Variants in SCN1A observed in about 807,000 individuals in gnomAD.
SCN1A encodes sodium voltage-gated channel alpha subunit 1.
In SCN1A, 13 loss-of-function variants were observed where a neutral mutation model predicts 193.7. The observed-to-expected ratio is 0.07, with a 90% confidence interval of 0.04 to 0.11. The LOEUF is 0.11. Ranked by LOEUF, SCN1A falls within the 10% of genes least tolerant of loss-of-function variation. The pLI is 1.00. For synonymous variants in SCN1A, 781 were observed against 843.6 expected, an observed-to-expected ratio of 0.93 and a Z score of 1.29; for missense variants, 1,432 against 2,451.1, an observed-to-expected ratio of 0.58 and a Z score of 8.78.
At chr2:166,072,569 T>C (rs1574365901) in intron 4 of SCN1A, among the ~76,000 whole-genome samples, 1 of 151,700 alleles carries the variant, frequency 6.6e-6, no homozygotes, top group Non-Finnish European at 1.5e-5. Flanking sequence ...CTTCAGGAAA[T>C]TAATTGATTT....
chr2:166,067,405 A>G (rs540240), intron 4 of SCN1A, among the ~76,000 whole-genome samples: 1 of 152,162 alleles, frequency 6.6e-6, no homozygotes, highest in Non-Finnish European at 1.5e-5. Context: ...CACATCTTGC[A>G]AAATGGCATG....
At chr2:166,050,659 T>G (rs1299217954) in intron 9 of SCN1A, among the ~76,000 whole-genome samples, 3 of 79,510 alleles carry the variant, frequency 3.8e-5, no homozygotes, top group Non-Finnish European at 8.8e-5. Context: ...ATTTTTTTTT[T>G]GTAGAGAAGG....
At chr2:166,073,825 T>C in intron 3 of SCN1A, 155 bp from the exon 4 acceptor site, 1 of 608,636 alleles carries the variant, frequency 1.6e-6, no homozygotes, top group Non-Finnish European at 2.8e-6. Context: ...ACACAAATGG[T>C]TTCTGTGTTG....
chr2:166,078,884 G>T (rs1685224756), intron 2 of SCN1A, among the ~76,000 whole-genome samples: 3 of 151,584 alleles, frequency 2.0e-5, no homozygotes, highest in African/African-American at 7.2e-5. Context: ...CTATTTAAAA[G>T]AAAGTGTTTA....
upstream of SCN1A, among the ~76,000 whole-genome samples, chr2:166,128,329 C>G (rs1367762350): frequency 6.6e-6 from 1 of 151,952 alleles, no homozygotes; most frequent in Non-Finnish European, 1.5e-5. Context: ...AAAACTTTAG[C>G]ATTATTTTAG....
At chr2:166,046,026 A>G (rs1697784979) in intron 12 of SCN1A, among the ~76,000 whole-genome samples, 1 of 152,178 alleles carries the variant, frequency 6.6e-6, no homozygotes, top group South Asian at 2.1e-4. Context: ...TACTAAGTTG[A>G]CACTTTTTTA....
intron 13 of SCN1A, among the ~76,000 whole-genome samples, chr2:166,044,719 A>G (rs1311316692): frequency 4.4e-5 from 3 of 68,566 alleles, no homozygotes; most frequent in Non-Finnish European, 8.3e-5. Flanking sequence ...CCGGAGTTCC[A>G]CATTTTTTTT....
Position 166,013,911 on chromosome 2 carries a change from T to A in SCN1A, c.3551-13A>T, listed in dbSNP as rs781017211. The A allele has an allele frequency of 1.2e-6, 2 of 1,610,134 alleles. No homozygotes were observed. Among genetic ancestry groups the A allele is most frequent in the East Asian group, 4.5e-5 (2 of 44,832 alleles). On this transcript the variant is annotated splice_polypyrimidine_tract_variant and intron_variant, in intron 20 of 28. Transcript: ENST00000674923. ...CTTTGTACACAGCCTGCAGAAAGTG[T>A]TGAAATAAAAGTAGATAAAGTGTCT...
At chr2:166,012,025 T>C in intron 22 of SCN1A, 84 bp downstream of exon 22, 1 of 1,213,234 alleles carries the variant, frequency 8.2e-7, no homozygotes, top group Non-Finnish European at 1.2e-6. Context: ...CATAACATAG[T>C]GGTCTGAGAC....
At chr2:166,126,285 G>A (rs1399034053) in intron 2 of SCN1A, 2 of 152,188 alleles carry the variant, frequency 1.3e-5, no homozygotes, top group Non-Finnish European at 2.9e-5. Flanking sequence ...CTAGAAGAGA[G>A]ATGTGATTTT....
chr2:166,101,301 T>C (rs1231384290), intron 2 of SCN1A, among the ~76,000 whole-genome samples: 63 of 140,188 alleles, frequency 4.5e-4, no homozygotes, highest in African/African-American at 1.3e-3. Context: ...TAGGTGGGAA[T>C]TGAACAATGA....
At chr2:166,003,733 G>C (rs901107682) in intron 23 of SCN1A, among the ~76,000 whole-genome samples, 3 of 151,442 alleles carry the variant, frequency 2.0e-5, no homozygotes, top group Admixed American at 6.6e-5. Context: ...CCTCAAACTT[G>C]GACATTAATA....
chr2:166,072,724 A>T (rs1374861155), intron 4 of SCN1A, among the ~76,000 whole-genome samples: 2 of 152,168 alleles, frequency 1.3e-5, no homozygotes, highest in African/African-American at 4.8e-5. Context: ...AAGTACAAAA[A>T]AATTGTATAG....
Position 165,994,341 on chromosome 2 carries a change from G to A in SCN1A, c.4657C>T (p.Leu1553Phe). Residue 1553 changes from leucine to phenylalanine, a missense_variant, in exon 28 of 29, where the codon CTT (leucine) becomes TTT (phenylalanine). By Grantham distance (22) the Leu-to-Phe change is conservative. Transcript: ENST00000674923. ...FDISIMILIC[L>F]NMVTMMVETD... ...TCCACCATCATTGTGACCATGTTAA[G>A]ACAGATGAGAATCATGATGCTTATG... The A allele has an allele frequency of 6.2e-7, 1 of 1,613,026 alleles. No homozygotes were observed. Among genetic ancestry groups the A allele is most frequent in the Non-Finnish European group, 8.5e-7 (1 of 1,179,380 alleles).
intron 10 of SCN1A, among the ~76,000 whole-genome samples, chr2:166,048,629 G>A (rs550332698): frequency 2.0e-5 from 3 of 152,136 alleles, no homozygotes; most frequent in South Asian, 4.1e-4. Flanking sequence ...TTGATTCCAT[G>A]TCTTTGCTAT....
intron 4 of SCN1A, among the ~76,000 whole-genome samples, chr2:166,062,172 C>T (rs1421450130): frequency 6.6e-6 from 1 of 152,086 alleles, no homozygotes; most frequent in African/African-American, 2.4e-5. Flanking sequence ...TCTGTGAGAA[C>T]TCCATTTTTC....
In SCN1A at chr2:165,996,540, G is replaced by T. The variant is rs150362457; in HGVS notation, c.4477-423C>A. On this transcript the variant is annotated intron_variant, in intron 26 of 28. Coordinates refer to ENST00000674923, the MANE Select transcript of SCN1A (RefSeq NM_001165963.4). ...AGGATGTATACTGCAAGACAGTTTG[G>T]AGTTACTCATTAAAAAAGTCACTCT... Among the ~76,000 whole-genome samples the T allele has an allele frequency of 1.4e-3, 218 of 151,520 alleles. 1 individual carries two copies. The highest frequency in any genetic ancestry group is 4.5e-3 in the Admixed American group (68 of 15,148).
chr2:166,004,308 TAC>T (rs1425071100), intron 23 of SCN1A, among the ~76,000 whole-genome samples: 1 of 151,638 alleles, frequency 6.6e-6, no homozygotes, highest in Non-Finnish European at 1.5e-5. Context: ...CTAGTGTGTA[TAC>T]ACAGAGTACT....
chr2:166,066,148 T>C (rs776023128), intron 4 of SCN1A, among the ~76,000 whole-genome samples: 2 of 152,178 alleles, frequency 1.3e-5, no homozygotes, highest in African/African-American at 2.4e-5. Context: ...GGTAGGCTTT[T>C]GTCAGCCAAG....
Sources: gnomAD v4.1 joint callset for allele counts (sites outside exome capture counted in the v4.1 genomes callset) on GRCh38, gnomAD v4.1.1 for gene constraint, MANE v1.5 for transcripts, NCBI Gene and HGNC (gene_info 2026-07-23, HGNC 2026-07-21) for gene names.